SPG11: variants seen among roughly 807,000 people sequenced by gnomAD.
The protein encoded by SPG11 is spatacsin.
A neutral mutation model predicts 274.0 loss-of-function variants in SPG11; 222 were observed. That is an observed-to-expected ratio of 0.81 (90% CI 0.73 to 0.91). The LOEUF (loss-of-function observed/expected upper bound fraction) is 0.91, where lower values mean the gene tolerates loss of function less well. Ranked by LOEUF, SPG11 falls within the 40% of genes least tolerant of loss-of-function variation. SPG11 has a pLI of 0.00. For synonymous variants in SPG11, 1,144 were observed against 1,039.7 expected, an observed-to-expected ratio of 1.10 and a Z score of -1.93; for missense variants, 3,114 against 2,872.7, an observed-to-expected ratio of 1.08 and a Z score of -1.92.
At position 44,563,034 on chromosome 15, in the gene SPG11, T is replaced by A; in HGVS notation, c.*87A>T. Reference sequence around the variant, plus strand: ...GTACAGTACCGGGATTGTTCAACTTTAGCAAAGATCTCCAATGCATTCTTC... The same window carrying A: ...GTACAGTACCGGGATTGTTCAACTTAAGCAAAGATCTCCAATGCATTCTTC... On this transcript the variant is annotated 3_prime_UTR_variant, in exon 40 of 40. Coordinates refer to ENST00000261866, the MANE Select transcript of SPG11 (RefSeq NM_025137.4). 7.2e-7 allele frequency: 1 copy of A among 1,385,498 alleles called. No homozygotes were observed. The highest frequency in any genetic ancestry group is 1.0e-6 in the Non-Finnish European group (1 of 979,982). The allele number at this position is 1,385,498 out of a possible 1,614,324, so 85.8% of individuals were successfully genotyped here.
rs748454134 is a variant in SPG11 at position 44,660,548 on chromosome 15, T to A, written c.326A>T (p.Glu109Val). ...TTCATAGATAAGCAGTTCATAATTT[T>A]CACCAAGAGCGAGCAGTTTGGGCTT... ...TEKPKLLALG[E>V]NYELLIYEFN... The change falls in exon 2 of 40, where the codon GAA becomes GTA. Residue 109 changes from glutamate (E) to valine (V), a missense_variant. Glu to Val is a moderately radical substitution (Grantham distance 121, BLOSUM62 -2). Coordinates refer to ENST00000261866, the MANE Select transcript of SPG11 (RefSeq NM_025137.4). 5.0e-6 allele frequency: 8 copies of A among 1,614,072 alleles called. No homozygotes were observed. Among genetic ancestry groups the A allele is most frequent in the Non-Finnish European group, 2.5e-6 (3 of 1,180,032 alleles).
chr15:44,564,252 C>T (rs2140910640), intron 39 of SPG11, among the ~76,000 whole-genome samples: 1 of 152,284 alleles, frequency 6.6e-6, no homozygotes, highest in South Asian at 2.1e-4. Flanking sequence ...CTCGGCCTCC[C>T]ATAGTGCTGG....
intron 14 of SPG11, 186 bp from the exon 15 acceptor site, chr15:44,620,589 T>C: frequency 1.8e-6 from 1 of 562,608 alleles, no homozygotes; most frequent in Admixed American, 3.1e-5. Flanking sequence ...TTGCCCAGGC[T>C]GGAGTGCAGT....
In SPG11 at chr15:44,586,517, G is replaced by A. The variant is rs561194410; in HGVS notation, c.4907-667C>T. 7.9e-5 allele frequency among the ~76,000 whole-genome samples: 12 copies of A among 152,098 alleles called. No homozygotes were observed. In the South Asian group the frequency reaches 2.1e-3, roughly 26 times the overall value. ...ATTAGCCAGGCGTGTGGTGGCACAC[G>A]CCTGTAATCCCAGCTACTCGAGAGG... On this transcript the variant is annotated intron_variant, in intron 28 of 39. Coordinates refer to ENST00000261866, the MANE Select transcript of SPG11 (RefSeq NM_025137.4).
intron 34 of SPG11, among the ~76,000 whole-genome samples, chr15:44,569,764 T>C (rs1036783631): frequency 4.0e-5 from 6 of 151,296 alleles, no homozygotes; most frequent in African/African-American, 1.5e-4. Flanking sequence ...TCACCCAGGC[T>C]GGAGTGTAGT....
chr15:44,626,494 C>T lies in SPG11; in HGVS notation c.2081G>A (p.Ser694Asn). The T allele has an allele frequency of 1.9e-6, 3 of 1,613,748 alleles. No homozygotes were observed. Among genetic ancestry groups the T allele is most frequent in the South Asian group, 2.2e-5 (2 of 90,994 alleles). ...KKLSFEEVIA[S>N]AILNNKIPEA... is the part of the protein sequence containing the mutation. ...TGGTATTTTGTTGTTTAAAATGGCG[C>T]TGGCAATAACTTCCTAGGAAAAGAA... Residue 694 changes from serine to asparagine, a missense_variant, in exon 11 of 40, where the codon AGC becomes AAC. Physicochemically the swap from Ser to Asn is conservative, Grantham distance 46. Transcript: ENST00000261866.
Position 44,600,554 on chromosome 15 carries a change from G to A in SPG11, c.3599C>T (p.Ala1200Val). 2 of 1,614,186 alleles carry A rather than the reference G, an allele frequency of 1.2e-6. No homozygotes were observed. Among genetic ancestry groups the A allele is most frequent in the South Asian group, 1.1e-5 (1 of 91,084 alleles). The change falls in exon 21 of 40, where the codon GCT becomes GTT. Residue 1200 changes from alanine (A) to valine (V), a missense_variant. Coordinates refer to ENST00000261866, the MANE Select transcript of SPG11 (RefSeq NM_025137.4). ...KYAIVERLNF[A>V]YYLHNGRPSF... ...TGGCCGCCCATTATGTAAATAATAA[G>A]CAAAATTCAGACGTTCCACTATAGC...
intron 7 of SPG11, among the ~76,000 whole-genome samples, chr15:44,642,615 C>T (rs118101169): frequency 4.0e-5 from 6 of 150,806 alleles, no homozygotes; most frequent in African/African-American, 7.3e-5. Context: ...AATCCCAGTG[C>T]TTTAAGAGAC....
rs1161977863 is a variant in SPG11 at position 44,572,726 on chromosome 15, C to T, written c.6300G>A (p.Leu2100=). Residue 2100 remains leucine (L), a synonymous_variant, in exon 33 of 40, where the codon TTG becomes TTA. Transcript: ENST00000261866. ...GGGGAACGGAGGAAATCTTATCCAACAACTTCATGCCTACCAATGTGCGGT... is the reference window on the plus strand; with the variant it reads ...GGGGAACGGAGGAAATCTTATCCAATAACTTCATGCCTACCAATGTGCGGT... ...CQDRTLVGMK[L]LDKISSVPHG... The T allele has an allele frequency of 6.2e-7, 1 of 1,614,140 alleles. No individual in the cohort carries two copies. The highest frequency in any genetic ancestry group is 1.3e-5 in the African/African-American group (1 of 75,034).
chr15:44,584,212 G>T lies in SPG11; in HGVS notation c.5468C>A (p.Ser1823Tyr). 1 of 1,614,206 alleles carries T rather than the reference G, an allele frequency of 6.2e-7. No individual in the cohort carries two copies. The highest frequency in any genetic ancestry group is 8.5e-7 in the Non-Finnish European group (1 of 1,180,018). ...TTCACCACTAGTTGAGATCTGTCGA[G>T]AAAATCTGGGCTCTGTTTCCTCCTG... ...RNQEETEPRF[S>Y]RQISTSGELS... Residue 1823 changes from serine (S) to tyrosine (Y), a missense_variant, in exon 30 of 40, where the codon TCT becomes TAT. Coordinates refer to ENST00000261866, the MANE Select transcript of SPG11 (RefSeq NM_025137.4).
chr15:44,623,787 C>T (rs562172729), intron 11 of SPG11, among the ~76,000 whole-genome samples: 28 of 152,018 alleles, frequency 1.8e-4, no homozygotes, highest in African/African-American at 6.3e-4. Flanking sequence ...GACAGGGTCT[C>T]GCTCTGTCAC....
At chr15:44,631,455 G>C (rs186996175) in intron 8 of SPG11, among the ~76,000 whole-genome samples, 55 of 152,280 alleles carry the variant, frequency 3.6e-4, no homozygotes, top group African/African-American at 1.3e-3. Context: ...ACTCTAGAAT[G>C]TGGCAACACT....
intron 28 of SPG11, among the ~76,000 whole-genome samples, chr15:44,588,006 CCT>C (rs938434803): frequency 6.6e-6 from 1 of 152,102 alleles, no homozygotes; most frequent in Non-Finnish European, 1.5e-5. Flanking sequence ...TTTGGAAACA[CCT>C]CTTTTTCCTT....
chr15:44,567,113 A>C (rs557444414), intron 36 of SPG11, among the ~76,000 whole-genome samples: 2 of 151,908 alleles, frequency 1.3e-5, no homozygotes, highest in Admixed American at 1.3e-4. Context: ...GCACTTTGGG[A>C]GGCCAACGTG....
Position 44,655,664 on chromosome 15 carries a change from T to C in SPG11, c.869+1431A>G, listed in dbSNP as rs78994708. ...AGAAAATATGTGTTAACCAACTGTT[T>C]ATGTTATCAGTAAGGTTTCTGGTCA... On this transcript the variant is annotated intron_variant, in intron 4 of 39. Coordinates refer to ENST00000261866, the MANE Select transcript of SPG11 (RefSeq NM_025137.4). 1.5e-3 allele frequency among the ~76,000 whole-genome samples: 235 copies of C among 152,302 alleles called. 8 individuals are homozygous for C. The East Asian group carries it at 0.038, about 25-fold the overall frequency.
chr15:44,594,596 GAAA>G (rs35547796), intron 26 of SPG11, among the ~76,000 whole-genome samples: 5 of 71,036 alleles, frequency 7.0e-5, no homozygotes, highest in Non-Finnish European at 7.8e-5. Flanking sequence ...TTAAAAATGC[GAAA>G]AAAAAAAAAA....
In SPG11 at chr15:44,572,980, C is replaced by CTTTTT. The variant is rs974510197; in HGVS notation, c.6206-165_6206-161dup. On this transcript the variant is annotated intron_variant, in intron 32 of 39. Transcript: ENST00000261866. The stretch of plus-strand genomic sequence containing the variant: ...TTGGTCATTTTATAGGACAGGAGTT[C>CTTTTT]TTTTTTTTTTTTTTTTTTTTTTTTG... Among the ~76,000 whole-genome samples, 57 of 83,282 alleles carry CTTTTT rather than the reference C, an allele frequency of 6.8e-4. 1 individual carries two copies. Among genetic ancestry groups the CTTTTT allele is most frequent in the South Asian group, 9.2e-4 (2 of 2,170 alleles). The allele number at this position is 83,282 out of a possible 152,430, so 54.6% of individuals were successfully genotyped here. A position where few individuals can be genotyped will look rare whatever the true frequency, so the allele number is the denominator to read the frequency against.
At chr15:44,634,962 T>TA (rs1421374702) in intron 7 of SPG11, among the ~76,000 whole-genome samples, 1 of 151,906 alleles carries the variant, frequency 6.6e-6, no homozygotes, top group East Asian at 1.9e-4. Context: ...CTCATGCCTG[T>TA]AATCCCAGCT....
chr15:44,636,100 G>A (rs1324931844), intron 7 of SPG11, among the ~76,000 whole-genome samples: 1 of 152,020 alleles, frequency 6.6e-6, no homozygotes, highest in Non-Finnish European at 1.5e-5. Context: ...TGAGCTGCTG[G>A]TCCAGAAACC....
Sources: allele counts gnomAD v4.1 joint callset (sites outside exome capture counted in the v4.1 genomes callset), GRCh38; gene constraint gnomAD v4.1.1; transcripts MANE v1.5; gene names NCBI Gene and HGNC (gene_info 2026-07-23, HGNC 2026-07-21).